JAKMIP1: variants seen among roughly 807,000 people sequenced by gnomAD.
The protein encoded by JAKMIP1 is janus kinase and microtubule interacting protein 1.
JAKMIP1 carries 33 observed loss-of-function variants against 113.0 expected under a neutral mutation model. The observed-to-expected ratio is 0.29, with a 90% CI of 0.22 to 0.39. The LOEUF (loss-of-function observed/expected upper bound fraction) is 0.39, where lower values mean the gene tolerates loss of function less well. Ranked by LOEUF, JAKMIP1 falls within the 10% of genes least tolerant of loss-of-function variation. The probability of loss-of-function intolerance (pLI) is 1.00; values close to 1 mark genes in which losing one functional copy is unlikely to be tolerated. For synonymous variants in JAKMIP1, 480 were observed against 459.9 expected (o/e 1.04, Z -0.56); for missense variants, 813 against 1,080.5 (o/e 0.75, Z 3.47).
intron 8 of JAKMIP1, among the ~76,000 whole-genome samples, chr4:6,077,722 G>A (rs577866369): frequency 2.6e-5 from 4 of 152,026 alleles, no homozygotes; most frequent in East Asian, 1.9e-4. Flanking sequence ...GGGCTCAAGC[G>A]ATCCACCCAC....
Position 6,086,808 on chromosome 4 carries a change from A to G in JAKMIP1, c.625-1179T>C, listed in dbSNP as rs186459594. Among the ~76,000 whole-genome samples, 77 of 152,058 alleles carry G rather than the reference A, an allele frequency of 5.1e-4. No homozygotes were observed. Among genetic ancestry groups the G allele is most frequent in the African/African-American group, 1.7e-3 (71 of 41,480 alleles). On this transcript the variant is annotated intron_variant, in intron 3 of 20. Transcript: ENST00000409021. This position sits in a 1 kb window ranked among gnomAD's most constrained non-coding sequence, Gnocchi z 4.1. Reference sequence around the variant, plus strand: ...CCCTTATGACTGGTGTCCTTATGAGAGGAGAAGAGAGACACAGAGGGGAAG... The same window carrying G: ...CCCTTATGACTGGTGTCCTTATGAGGGGAGAAGAGAGACACAGAGGGGAAG...
In JAKMIP1 at chr4:6,066,918, A is replaced by G. The variant is rs181131676; in HGVS notation, c.1303-1910T>C. ...CTCCAGGCTTCTGCACCCCACACAC[A>G]CCTGCCATGGGGCCTTTGCGCTCCG... On this transcript the variant is annotated intron_variant, in intron 8 of 20. Transcript: ENST00000409021. Among the ~76,000 whole-genome samples, 24 of 151,736 alleles carry G rather than the reference A, an allele frequency of 1.6e-4. No individual in the cohort carries two copies. The East Asian group carries it at 4.5e-3, about 28-fold the overall frequency.
At chr4:6,048,737 C>T in intron 16 of JAKMIP1, 120 bp downstream of exon 16, 1 of 775,896 alleles carries the variant, frequency 1.3e-6, no homozygotes, top group Non-Finnish European at 2.2e-6. Flanking sequence ...TGTGCACGTG[C>T]AGACGCAGAC....
intron 1 of JAKMIP1, among the ~76,000 whole-genome samples, chr4:6,144,310 A>G (rs1578373179): frequency 6.6e-6 from 1 of 152,238 alleles, no homozygotes; most frequent in East Asian, 1.9e-4. Context: ...AATTCTATCA[A>G]ATGTTTGAAG....
intron 19 of JAKMIP1, among the ~76,000 whole-genome samples, chr4:6,035,303 G>C (rs565639877): frequency 6.6e-6 from 1 of 152,100 alleles, no homozygotes; most frequent in African/African-American, 2.4e-5. Context: ...CCTACCCATA[G>C]GGTCCATGAG....
In JAKMIP1 at chr4:6,065,183, G is replaced by A. The variant is rs1406872200; in HGVS notation, c.1303-175C>T. 6.6e-6 allele frequency among the ~76,000 whole-genome samples: 1 copy of A among 152,198 alleles called. No individual in the cohort carries two copies. Among genetic ancestry groups the A allele is most frequent in the Non-Finnish European group, 1.5e-5 (1 of 68,034 alleles). On this transcript the variant is annotated intron_variant, in intron 8 of 20. Coordinates refer to ENST00000409021, the MANE Select transcript of JAKMIP1 (RefSeq NM_001099433.2). The surrounding 1 kb of genome is among the most constrained non-coding windows in gnomAD (Gnocchi z 5.1). ...TGACTGGGTGGGATAAAAGGTGGCAGCAGGTGGCGGATGACCCTAGGGTTT... is the reference window on the plus strand; with the variant it reads ...TGACTGGGTGGGATAAAAGGTGGCAACAGGTGGCGGATGACCCTAGGGTTT...
Position 6,058,507 on chromosome 4 carries a change from C to T in JAKMIP1, c.1645-1748G>A, listed in dbSNP as rs192153166. On this transcript the variant is annotated intron_variant, in intron 11 of 20. Transcript: ENST00000409021. ...ATGTTATTACTTCTCTAAGTCTTTTCGAAAGCAACTTCCTCTTTCCCTTTG... is the reference window on the plus strand; with the variant it reads ...ATGTTATTACTTCTCTAAGTCTTTTTGAAAGCAACTTCCTCTTTCCCTTTG... Among the ~76,000 whole-genome samples the T allele has an allele frequency of 7.2e-5, 11 of 152,268 alleles. No homozygotes were observed. In the East Asian group the frequency reaches 7.7e-4, roughly 11 times the overall value.
At position 6,157,794 on chromosome 4, in the gene JAKMIP1, G is replaced by A. The variant is rs544092285; in HGVS notation, c.-148+42459C>T. ...GCAGCACACCCAGTAGGGTGTGAGT[G>A]AGGGACCGTAGAGTCGAGAATTCTG... is the stretch of plus-strand genomic sequence containing the variant. On this transcript the variant is annotated intron_variant, in intron 1 of 20. Coordinates refer to ENST00000409021, the MANE Select transcript of JAKMIP1 (RefSeq NM_001099433.2). The surrounding 1 kb of genome is among the most constrained non-coding windows in gnomAD (Gnocchi z 4.7). Among the ~76,000 whole-genome samples, 4 of 152,332 alleles carry A rather than the reference G, an allele frequency of 2.6e-5. No homozygotes were observed. The highest frequency in any genetic ancestry group is 9.6e-5 in the African/African-American group (4 of 41,558).
rs150987167 is a variant in JAKMIP1 at position 6,142,846 on chromosome 4, G to C, written c.-147-29849C>G. Among the ~76,000 whole-genome samples the C allele has an allele frequency of 6.6e-6, 1 of 152,326 alleles. No individual in the cohort carries two copies. Among genetic ancestry groups the C allele is most frequent in the East Asian group, 1.9e-4 (1 of 5,184 alleles). On this transcript the variant is annotated intron_variant, in intron 1 of 20. Transcript: ENST00000409021. The surrounding 1 kb of genome is among the most constrained non-coding windows in gnomAD (Gnocchi z 5.5). ...TTTTCAACAACTTCATTGCTTACAG[G>C]TGAGGAAACGGAGGATGGAAAGGTT...
At chr4:6,098,160 G>A (rs960744371) in intron 3 of JAKMIP1, among the ~76,000 whole-genome samples, 1 of 152,214 alleles carries the variant, frequency 6.6e-6, no homozygotes, top group African/African-American at 2.4e-5. Flanking sequence ...GTCGCGTGCG[G>A]TGGCTCACGC....
chr4:6,102,916 G>GTA (rs1379076093), intron 3 of JAKMIP1, among the ~76,000 whole-genome samples: 1 of 151,662 alleles, frequency 6.6e-6, no homozygotes, highest in Non-Finnish European at 1.5e-5. Flanking sequence ...TGTATTTTTA[G>GTA]TAGAGATGGG....
Position 6,044,992 on chromosome 4 carries a change from C to A in JAKMIP1, c.2029-2765G>T, listed in dbSNP as rs1281672904. On this transcript the variant is annotated intron_variant, in intron 16 of 20. Transcript: ENST00000409021. This position sits in a 1 kb window ranked among gnomAD's most constrained non-coding sequence, Gnocchi z 4.4. ...GGGAGGTGCTGATGAACTGAGCAGC[C>A]TCATGGGGGCAGCATGCTGCAGGGT... Among the ~76,000 whole-genome samples the A allele has an allele frequency of 6.6e-6, 1 of 152,234 alleles. No homozygotes were observed. Among genetic ancestry groups the A allele is most frequent in the East Asian group, 1.9e-4 (1 of 5,198 alleles).
chr4:6,179,279 C>G lies in JAKMIP1; in HGVS notation c.-148+20974G>C, dbSNP rs950030695. ...CTCTAACCCCTAAATGACTGCTTAACCTCGTGGGGTCTTGGTTTCCTCCTA... is the reference window on the plus strand; with the variant it reads ...CTCTAACCCCTAAATGACTGCTTAAGCTCGTGGGGTCTTGGTTTCCTCCTA... On this transcript the variant is annotated intron_variant, in intron 1 of 20. Transcript: ENST00000409021. This position sits in a 1 kb window ranked among gnomAD's most constrained non-coding sequence, Gnocchi z 4.5. Among the ~76,000 whole-genome samples, 2 of 152,168 alleles carry G rather than the reference C, an allele frequency of 1.3e-5. No individual in the cohort carries two copies. Among genetic ancestry groups the G allele is most frequent in the Admixed American group, 1.3e-4 (2 of 15,280 alleles).
intron 20 of JAKMIP1, 75 bp downstream of exon 20, chr4:6,029,641 T>C: frequency 1.0e-6 from 1 of 977,532 alleles, no homozygotes; most frequent in South Asian, 1.4e-5. Context: ...GCTTTGGACC[T>C]TATGAAATAA....
In JAKMIP1 at chr4:6,059,638, T is replaced by G. The variant is rs774523275; in HGVS notation, c.1644+786A>C. ...AGCAAACAGCCAAGCAGAGGAAAAG[T>G]TCGAGATGGGGCAGTTCCAAGATGG... On this transcript the variant is annotated intron_variant, in intron 11 of 20. Transcript: ENST00000409021. This position sits in a 1 kb window ranked among gnomAD's most constrained non-coding sequence, Gnocchi z 4.8. Among the ~76,000 whole-genome samples, 130 of 151,948 alleles carry G rather than the reference T, an allele frequency of 8.6e-4. No individual in the cohort carries two copies. The highest frequency in any genetic ancestry group is 1.7e-3 in the Non-Finnish European group (118 of 68,014).
At chr4:6,195,024 C>T (rs746377158) in intron 1 of JAKMIP1, among the ~76,000 whole-genome samples, 4 of 152,232 alleles carry the variant, frequency 2.6e-5, no homozygotes, top group Non-Finnish European at 4.4e-5. Context: ...CTTTCACCTC[C>T]GTTCTTTAGT....
chr4:6,139,840 A>G lies in JAKMIP1; in HGVS notation c.-147-26843T>C, dbSNP rs1719845308. Among the ~76,000 whole-genome samples the G allele has an allele frequency of 6.6e-6, 1 of 151,940 alleles. No individual in the cohort carries two copies. The highest frequency in any genetic ancestry group is 1.5e-5 in the Non-Finnish European group (1 of 68,030). ...GCACAGAGACACAGAGACAAAGGAG[A>G]ACACCATGTGACGACGAAGGAGGAG... On this transcript the variant is annotated intron_variant, in intron 1 of 20. Transcript: ENST00000409021. The surrounding 1 kb of genome is among the most constrained non-coding windows in gnomAD (Gnocchi z 5.2).
chr4:6,090,427 C>T (rs936039166), intron 3 of JAKMIP1, among the ~76,000 whole-genome samples: 1 of 152,162 alleles, frequency 6.6e-6, no homozygotes, highest in African/African-American at 2.4e-5. Flanking sequence ...TGATTTGGGA[C>T]TTCTGGACTC....
In JAKMIP1 at chr4:6,168,619, G is replaced by A. The variant is rs567271544; in HGVS notation, c.-148+31634C>T. Among the ~76,000 whole-genome samples the A allele has an allele frequency of 2.6e-5, 4 of 152,156 alleles. No individual in the cohort carries two copies. Among genetic ancestry groups the A allele is most frequent in the African/African-American group, 4.8e-5 (2 of 41,432 alleles). On this transcript the variant is annotated intron_variant, in intron 1 of 20. Transcript: ENST00000409021. The surrounding 1 kb of genome is among the most constrained non-coding windows in gnomAD (Gnocchi z 4.6). ...GAAATCCATAGGGATGGCCAGGCAC[G>A]GTGGCTCACACCTGTAATCCCAGCA...
Sources: gnomAD v4.1 joint callset for allele counts (sites outside exome capture counted in the v4.1 genomes callset) on GRCh38, gnomAD v4.1.1 for gene constraint, Gnocchi (gnomAD v3.1) non-coding constraint, MANE v1.5 for transcripts, NCBI Gene and HGNC (gene_info 2026-07-23, HGNC 2026-07-21) for gene names.